The following PAPOLA variants were observed in gnomAD, a reference collection of about 807,000 sequenced individuals.
PAPOLA encodes poly(A) polymerase alpha.
In PAPOLA, 15 loss-of-function variants were observed where a neutral mutation model predicts 100.6. That is an observed-to-expected ratio of 0.15 (90% CI 0.10 to 0.23). PAPOLA has a LOEUF of 0.23. Ranked by LOEUF, PAPOLA falls within the 10% of genes least tolerant of loss-of-function variation. The pLI is 1.00. For synonymous variants in PAPOLA, 293 were observed against 300.0 expected, an observed-to-expected ratio of 0.98 and a Z score of 0.24; for missense variants, 533 against 884.2, an observed-to-expected ratio of 0.60 and a Z score of 5.04.
chr14:96,547,627 AG>A, intron 15 of PAPOLA, 169 bp from the exon 16 acceptor site: 1 of 488,628 alleles, frequency 2.0e-6, no homozygotes, highest in East Asian at 3.6e-5. Context: ...TGGTAAAAGG[AG>A]TTTGCTCAGG....
At chr14:96,561,817 A>C (rs1901865001) in intron 20 of PAPOLA, among the ~76,000 whole-genome samples, 1 of 151,074 alleles carries the variant, frequency 6.6e-6, no homozygotes, top group African/African-American at 2.4e-5. Context: ...CATAGGAGAA[A>C]ACAATATTTC....
intron 6 of PAPOLA, among the ~76,000 whole-genome samples, chr14:96,531,211 C>T (rs61368673): frequency 0.11 from 16,594 of 151,936 alleles, 1,009 homozygotes; most frequent in South Asian, 0.17. Context: ...CCGTGTTAGC[C>T]AGGATGGTCT....
At chr14:96,526,857 A>G in intron 4 of PAPOLA, 1 of 152,540 alleles carries the variant, frequency 6.6e-6, no homozygotes, top group East Asian at 1.9e-4. Flanking sequence ...CTGATTCCAC[A>G]TTAATCTCTC....
intron 20 of PAPOLA, 140 bp from the exon 21 acceptor site, chr14:96,562,678 GT>G (rs1901954568): frequency 3.5e-6 from 2 of 567,734 alleles, no homozygotes; most frequent in Admixed American, 5.7e-5. Flanking sequence ...CTGACTAGAT[GT>G]TTTTGTAATG....
intron 10 of PAPOLA, 56 bp from the exon 11 acceptor site, chr14:96,535,823 C>A: frequency 7.2e-7 from 1 of 1,383,266 alleles, no homozygotes; most frequent in Non-Finnish European, 9.5e-7. Flanking sequence ...GGTAAAAAGC[C>A]CAAGTATCTG....
chr14:96,525,779 A>G (rs991914376), intron 4 of PAPOLA, among the ~76,000 whole-genome samples: 2 of 151,846 alleles, frequency 1.3e-5, no homozygotes, highest in African/African-American at 4.8e-5. Flanking sequence ...TAAATTAAAA[A>G]CTCAGAGTTT....
intron 19 of PAPOLA, among the ~76,000 whole-genome samples, chr14:96,558,304 G>A (rs952676170): frequency 6.6e-6 from 1 of 152,148 alleles, no homozygotes; most frequent in Non-Finnish European, 1.5e-5. Context: ...CAATTTTTGT[G>A]TCAATTACAC....
intron 15 of PAPOLA, among the ~76,000 whole-genome samples, chr14:96,545,094 C>A (rs2140308473): frequency 6.6e-6 from 1 of 152,126 alleles, no homozygotes; most frequent in South Asian, 2.1e-4. Context: ...CTTCTCTCCC[C>A]ATTTAAAACA....
chr14:96,527,241 A>G, intron 4 of PAPOLA, 189 bp from the exon 5 acceptor site: 4 of 554,544 alleles, frequency 7.2e-6, no homozygotes, highest in Non-Finnish European at 1.3e-5. Context: ...CTGCAGGATC[A>G]AAATATACCA....
At position 96,542,289 on chromosome 14, in the gene PAPOLA, C is replaced by T; in HGVS notation, c.1162C>T (p.Leu388=). The T allele has an allele frequency of 1.3e-6, 2 of 1,593,122 alleles. No individual in the cohort carries two copies. Residue 388 remains leucine (L), a synonymous_variant, in exon 13 of 22, where the codon CTG becomes TTG. Transcript: ENST00000216277. ...AAGTGCACCAACAGAAAAACAACGCCTGGAATGGTGAGTATAAGAATAGAC... is the reference window on the plus strand; with the variant it reads ...AAGTGCACCAACAGAAAAACAACGCTTGGAATGGTGAGTATAAGAATAGAC... ...LASAPTEKQR[L]EWVGLVESKI...
chr14:96,533,918 G>C (rs1296015542), intron 9 of PAPOLA: 1 of 985,322 alleles, frequency 1.0e-6, no homozygotes, highest in African/African-American at 1.7e-5. Context: ...TAACCTTGAT[G>C]TTAAGAGTGG....
Position 96,502,501 on chromosome 14 carries a change from C to CCCCT in PAPOLA, c.-84_-81dup. On this transcript the variant is annotated 5_prime_UTR_variant, in exon 1 of 22. Coordinates refer to ENST00000216277, the MANE Select transcript of PAPOLA (RefSeq NM_032632.5). ...TGGACCCAGGGCTGAGGCAGGCCCCCCCCTCCCTCCCGCCTCAGTGGATCA... is the reference window on the plus strand; with the variant it reads ...TGGACCCAGGGCTGAGGCAGGCCCCCCCCTCCCTCCCTCCCGCCTCAGTGGATCA... 2.0e-6 allele frequency: 2 copies of CCCCT among 1,015,514 alleles called. No homozygotes were observed. Among genetic ancestry groups the CCCCT allele is most frequent in the South Asian group, 3.0e-5 (2 of 67,126 alleles). 62.9% of individuals were successfully genotyped at this position (1,015,514 alleles called of 1,614,324 possible).
chr14:96,534,723 A>G (rs1899372291), intron 10 of PAPOLA, 160 bp downstream of exon 10: 2 of 1,443,014 alleles, frequency 1.4e-6, no homozygotes, highest in Non-Finnish European at 1.8e-6. Flanking sequence ...GTCCTCAACT[A>G]TAATTGATGT....
At position 96,531,541 on chromosome 14, in the gene PAPOLA, A is replaced by G. The variant is rs1459546268; in HGVS notation, c.562A>G (p.Ser188Gly). The change falls in exon 7 of 22, where the codon AGT becomes GGT. Residue 188 changes from serine to glycine, a missense_variant. By Grantham distance (56) the Ser-to-Gly change is moderately conservative. Around this residue, in one of 9 missense-constraint regions of PAPOLA, gnomAD observed 33 missense variants for 39.2 expected, o/e 0.84. Coordinates refer to ENST00000216277, the MANE Select transcript of PAPOLA (RefSeq NM_032632.5). ...TGAAGATTTGGATCTACGAGATGACAGTCTGCTAAAAAATTTAGATATAAG... is the reference window on the plus strand; with the variant it reads ...TGAAGATTTGGATCTACGAGATGACGGTCTGCTAAAAAATTTAGATATAAG... ...IPEDLDLRDD[S>G]LLKNLDIRCI... is the part of the protein sequence containing the mutation. 4 of 1,609,304 alleles carry G rather than the reference A, an allele frequency of 2.5e-6. No individual in the cohort carries two copies. The highest frequency in any genetic ancestry group is 1.1e-5 in the South Asian group (1 of 90,602).
chr14:96,554,913 C>T (rs1266487899), intron 17 of PAPOLA, among the ~76,000 whole-genome samples: 3 of 151,884 alleles, frequency 2.0e-5, no homozygotes, highest in Non-Finnish European at 2.9e-5. Context: ...AGGTGTGTCT[C>T]TTTAATATTT....
intron 19 of PAPOLA, among the ~76,000 whole-genome samples, chr14:96,559,360 A>G (rs888588458): frequency 6.6e-6 from 1 of 152,004 alleles, no homozygotes; most frequent in African/African-American, 2.4e-5. Flanking sequence ...TTAGCAAAGC[A>G]GAAAGAAATA....
chr14:96,502,704 C>T (rs1332254596), intron 1 of PAPOLA, 104 bp downstream of exon 1: 23 of 1,306,596 alleles, frequency 1.8e-5, no homozygotes, highest in African/African-American at 6.1e-5. Context: ...GAGCCCGACC[C>T]TCCCCGCTGG....
chr14:96,509,425 T>A (rs1896951856), intron 1 of PAPOLA, among the ~76,000 whole-genome samples: 1 of 152,180 alleles, frequency 6.6e-6, no homozygotes, highest in Non-Finnish European at 1.5e-5. Flanking sequence ...ATTTACATAA[T>A]AAAAATGTAT....
chr14:96,541,496 G>A (rs1160635901), intron 12 of PAPOLA, among the ~76,000 whole-genome samples: 2 of 152,066 alleles, frequency 1.3e-5, no homozygotes, highest in Non-Finnish European at 2.9e-5. Context: ...TTTTTTAGTC[G>A]TAGGAAACTG....
Sources: gnomAD v4.1 joint callset for allele counts (sites outside exome capture counted in the v4.1 genomes callset) on GRCh38, gnomAD v4.1.1 for gene constraint, gnomAD v4.1.1 regional missense constraint, MANE v1.5 for transcripts, NCBI Gene and HGNC (gene_info 2026-07-23, HGNC 2026-07-21) for gene names.